Variants in CD2AP observed in about 807,000 individuals in gnomAD.
The protein encoded by CD2AP is CD2 associated protein, also known as CD2-associated protein.
Under a neutral mutation model 85.1 loss-of-function variants are expected in CD2AP, and 46 were observed. The observed-to-expected ratio is 0.54, with a 90% CI of 0.43 to 0.69. The LOEUF is 0.69. Among genes scored for constraint, CD2AP ranks in the 30% least tolerant of loss-of-function variants. The pLI is 0.00. For synonymous variants in CD2AP, 255 were observed against 252.9 expected, an observed-to-expected ratio of 1.01 and a Z score of -0.08; for missense variants, 769 against 729.5, an observed-to-expected ratio of 1.05 and a Z score of -0.62.
At chr6:47,602,566 T>C (rs989371706) in intron 13 of CD2AP, among the ~76,000 whole-genome samples, 5 of 151,532 alleles carry the variant, frequency 3.3e-5, no homozygotes, top group African/African-American at 1.2e-4. Flanking sequence ...GTATTGTTTT[T>C]CTGTGATAAG....
chr6:47,607,572 G>A (rs1562054571), intron 14 of CD2AP, among the ~76,000 whole-genome samples: 1 of 151,930 alleles, frequency 6.6e-6, no homozygotes, highest in African/African-American at 2.4e-5. Flanking sequence ...CATTGTTTTT[G>A]TAGTACTTGT....
chr6:47,593,171 T>C (rs1008698567), intron 11 of CD2AP, among the ~76,000 whole-genome samples: 2 of 152,142 alleles, frequency 1.3e-5, no homozygotes, highest in Non-Finnish European at 2.9e-5. Context: ...CAGAGTGTTA[T>C]GAATCTAGAG....
chr6:47,491,407 T>C (rs921911979), intron 1 of CD2AP, among the ~76,000 whole-genome samples: 2 of 152,016 alleles, frequency 1.3e-5, no homozygotes, highest in African/African-American at 4.8e-5. Flanking sequence ...TATACTGAAA[T>C]ATATTTTTGT....
At chr6:47,516,222 A>G (rs1482958153) in intron 2 of CD2AP, among the ~76,000 whole-genome samples, 1 of 152,226 alleles carries the variant, frequency 6.6e-6, no homozygotes, top group Non-Finnish European at 1.5e-5. Flanking sequence ...CAGCTAGCCA[A>G]GTCACTGTGC....
intron 2 of CD2AP, among the ~76,000 whole-genome samples, chr6:47,512,078 A>C (rs1766329576): frequency 1.3e-5 from 2 of 152,184 alleles, no homozygotes; most frequent in Admixed American, 1.3e-4. Context: ...GAATGGTGTG[A>C]AGCCGGGAGG....
At chr6:47,553,213 A>G (rs538055346) in intron 4 of CD2AP, among the ~76,000 whole-genome samples, 1 of 152,330 alleles carries the variant, frequency 6.6e-6, no homozygotes, top group South Asian at 2.1e-4. Context: ...CTAACTTAGT[A>G]AAAGGTTGCC....
At chr6:47,575,454 A>G (rs1012802859) in intron 6 of CD2AP, among the ~76,000 whole-genome samples, 16 of 152,166 alleles carry the variant, frequency 1.1e-4, no homozygotes, top group Admixed American at 7.9e-4. Context: ...TCTCAGGGTT[A>G]CCCTATATAA....
intron 17 of CD2AP, among the ~76,000 whole-genome samples, chr6:47,620,002 C>A (rs956989111): frequency 6.6e-6 from 1 of 152,110 alleles, no homozygotes; most frequent in Admixed American, 6.5e-5. Flanking sequence ...AGATTTTTTC[C>A]CACTCTGTGG....
chr6:47,589,551 T>TACACACACAC (rs112763182), intron 11 of CD2AP, among the ~76,000 whole-genome samples: 1 of 130,890 alleles, frequency 7.6e-6, no homozygotes, highest in African/African-American at 2.8e-5. Context: ...CACATATATA[T>TACACACACAC]ACACACACAC....
chr6:47,540,193 AG>A (rs746747562), intron 3 of CD2AP, among the ~76,000 whole-genome samples: 1 of 150,916 alleles, frequency 6.6e-6, no homozygotes, highest in Non-Finnish European at 1.5e-5. Context: ...AAAAAAAAAA[AG>A]AAAAAAGAAA....
chr6:47,546,199 G>A (rs1767360499), intron 4 of CD2AP, among the ~76,000 whole-genome samples: 1 of 152,048 alleles, frequency 6.6e-6, no homozygotes, highest in South Asian at 2.1e-4. Context: ...TGCACTTACA[G>A]AAATGCAAAA....
chr6:47,589,132 C>G (rs1768706642), intron 11 of CD2AP, among the ~76,000 whole-genome samples: 1 of 151,974 alleles, frequency 6.6e-6, no homozygotes, highest in South Asian at 2.1e-4. Flanking sequence ...GGAATAGAGA[C>G]AGTTTCTGGA....
intron 5 of CD2AP, among the ~76,000 whole-genome samples, chr6:47,564,208 A>T (rs1767934690): frequency 6.6e-6 from 1 of 152,132 alleles, no homozygotes; most frequent in African/African-American, 2.4e-5. Context: ...CTCTTAGCAA[A>T]CTGTCTCCTG....
chr6:47,498,072 T>G (rs1295392516), intron 1 of CD2AP, among the ~76,000 whole-genome samples: 2 of 152,188 alleles, frequency 1.3e-5, no homozygotes, highest in East Asian at 3.8e-4. Flanking sequence ...CTGAGGTTGG[T>G]GCCACAATTT....
At chr6:47,623,770 A>G (rs999250013) in intron 17 of CD2AP, among the ~76,000 whole-genome samples, 6 of 152,130 alleles carry the variant, frequency 3.9e-5, no homozygotes, top group African/African-American at 1.4e-4. Context: ...AATTAAGTAT[A>G]ATTAGTGAAA....
intron 1 of CD2AP, among the ~76,000 whole-genome samples, chr6:47,488,567 G>T (rs926396614): frequency 6.6e-6 from 1 of 152,020 alleles, no homozygotes; most frequent in Non-Finnish European, 1.5e-5. Context: ...CTTGACATCT[G>T]ATGTATATTT....
intron 2 of CD2AP, among the ~76,000 whole-genome samples, chr6:47,525,464 C>G (rs1056017310): frequency 6.6e-6 from 1 of 152,056 alleles, no homozygotes; most frequent in Non-Finnish European, 1.5e-5. Flanking sequence ...GACTTCTCAC[C>G]TGGTTTTTAT....
At chr6:47,547,681 C>T (rs1484184096) in intron 4 of CD2AP, among the ~76,000 whole-genome samples, 1 of 152,114 alleles carries the variant, frequency 6.6e-6, no homozygotes, top group Non-Finnish European at 1.5e-5. Context: ...ATGGAGTTAA[C>T]AAATACTTAT....
At position 47,478,157 on chromosome 6, in the gene CD2AP, C is replaced by T. The variant is rs1765351297; in HGVS notation, c.-88C>T. Reference sequence around the variant, plus strand: ...GGCTAGCGCGGAGCGCGGGTCCCGCCTCCAGCCGCGGGAGCGGCCGCGCGA... The same window carrying T: ...GGCTAGCGCGGAGCGCGGGTCCCGCTTCCAGCCGCGGGAGCGGCCGCGCGA... On this transcript the variant is annotated 5_prime_UTR_variant, in exon 1 of 18. Coordinates refer to ENST00000359314, the MANE Select transcript of CD2AP (RefSeq NM_012120.3). The T allele has an allele frequency of 2.6e-6, 4 of 1,511,558 alleles. No individual in the cohort carries two copies. The highest frequency in any genetic ancestry group is 1.4e-5 in the African/African-American group (1 of 72,234). 93.6% of individuals were successfully genotyped at this position (1,511,558 alleles called of 1,614,324 possible).
Sources: allele counts gnomAD v4.1 joint callset (sites outside exome capture counted in the v4.1 genomes callset), GRCh38; gene constraint gnomAD v4.1.1; transcripts MANE v1.5; gene names NCBI Gene and HGNC (gene_info 2026-07-23, HGNC 2026-07-21).